Variants in FRAS1 observed in about 807,000 individuals in gnomAD.
The protein encoded by FRAS1 is Fraser extracellular matrix complex subunit 1, also known as extracellular matrix organizing protein FRAS1.
In FRAS1, 290 loss-of-function variants were observed where a neutral mutation model predicts 435.2. The ratio of observed to expected loss-of-function variants is 0.67; its 90% CI spans 0.61 to 0.73. FRAS1 has a LOEUF of 0.73. Among genes scored for constraint, FRAS1 ranks in the 30% least tolerant of loss-of-function variants. The pLI is 0.00. For missense variants in FRAS1, 4,860 were observed against 5,001.5 expected, an observed-to-expected ratio of 0.97 and a Z score of 0.85; for synonymous variants, 1,800 against 1,851.0, an observed-to-expected ratio of 0.97 and a Z score of 0.71.
At chr4:78,114,591 T>C (rs1443384126) in intron 2 of FRAS1, among the ~76,000 whole-genome samples, 1 of 152,114 alleles carries the variant, frequency 6.6e-6, no homozygotes, top group Non-Finnish European at 1.5e-5. Context: ...TCTGAAGCAA[T>C]TGTGAATGGG....
In FRAS1 at chr4:78,252,921, C is replaced by T. The variant is rs148922818; in HGVS notation, c.469+370C>T. On this transcript the variant is annotated intron_variant, in intron 5 of 73. Coordinates refer to ENST00000512123, the MANE Select transcript of FRAS1 (RefSeq NM_025074.7). ...ATGAGGGTCTGTGTCCCGCTGTGCA[C>T]GTATTGTCTTGATAAACATCTTAAC... 1.4e-4 allele frequency among the ~76,000 whole-genome samples: 22 copies of T among 152,258 alleles called. No individual in the cohort carries two copies. In the East Asian group the frequency reaches 3.3e-3, roughly 23 times the overall value.
At chr4:78,188,585 A>G (rs555605395) in intron 2 of FRAS1, among the ~76,000 whole-genome samples, 2 of 152,314 alleles carry the variant, frequency 1.3e-5, no homozygotes, top group South Asian at 4.1e-4. Context: ...GCTTTTACTT[A>G]AAGTCAACTG....
Position 78,513,440 on chromosome 4 carries a change from T to A in FRAS1, c.10062T>A (p.Leu3354=). The A allele has an allele frequency of 6.2e-7, 1 of 1,613,948 alleles. No homozygotes were observed. The highest frequency in any genetic ancestry group is 8.5e-7 in the Non-Finnish European group (1 of 1,179,830). ...QIPHQDGMLP[L]ISTMPLHNLH... ...CACACCAGGATGGAATGCTGCCCCT[T>A]ATCTCCACCATGCCGTTGCACAACT... The change falls in exon 65 of 74, where the codon CTT becomes CTA. Residue 3354 remains leucine (L), a synonymous_variant. Transcript: ENST00000512123.
intron 24 of FRAS1, among the ~76,000 whole-genome samples, chr4:78,373,783 T>TAAG (rs1202932250): frequency 2.6e-5 from 4 of 151,910 alleles, no homozygotes. Flanking sequence ...TAAATAATAA[T>TAAG]AATAATAATA....
intron 2 of FRAS1, among the ~76,000 whole-genome samples, chr4:78,202,192 A>T (rs1192463884): frequency 6.6e-6 from 1 of 152,158 alleles, no homozygotes; most frequent in African/African-American, 2.4e-5. Flanking sequence ...ACTAAATATC[A>T]TATTGTCTTC....
chr4:78,128,095 T>C (rs549314859), intron 2 of FRAS1, among the ~76,000 whole-genome samples: 36 of 152,278 alleles, frequency 2.4e-4, no homozygotes, highest in African/African-American at 7.2e-4. Context: ...TCATTTTTTA[T>C]GGCTGCATAG....
chr4:78,363,604 C>T lies in FRAS1; in HGVS notation c.2514C>T (p.Leu838=), dbSNP rs1261337681. 2.7e-5 allele frequency: 44 copies of T among 1,608,408 alleles called. 1 individual carries two copies. The highest frequency in any genetic ancestry group is 3.2e-5 in the Non-Finnish European group (38 of 1,177,518). The change falls in exon 21 of 74, where the codon CTC becomes CTT. Residue 838 remains leucine (L), a synonymous_variant. Coordinates refer to ENST00000512123, the MANE Select transcript of FRAS1 (RefSeq NM_025074.7). ...GCCAGAATGCCCACTACCTGCTGCT[C>T]GGGGACCACTGTGTTCCTGACTGCC... ...LRCQNAHYLL[L]GDHCVPDCPS... is the part of the protein sequence containing the mutation.
At chr4:78,475,315 C>A in intron 53 of FRAS1, 123 bp from the exon 54 acceptor site, 1 of 986,520 alleles carries the variant, frequency 1.0e-6, no homozygotes. Flanking sequence ...CTTAGAGGAA[C>A]CAAACTTCCT....
chr4:78,221,253 A>G (rs780316488), intron 2 of FRAS1, among the ~76,000 whole-genome samples: 3 of 152,172 alleles, frequency 2.0e-5, no homozygotes, highest in Admixed American at 6.5e-5. Flanking sequence ...AAATATATCA[A>G]ATTTCTTTCA....
chr4:78,308,587 A>C (rs897132207), intron 15 of FRAS1, among the ~76,000 whole-genome samples: 3 of 152,214 alleles, frequency 2.0e-5, no homozygotes, highest in Non-Finnish European at 4.4e-5. Flanking sequence ...CATGGGGACA[A>C]AGAGACTATT....
chr4:78,436,689 T>TA (rs879360022), intron 38 of FRAS1, among the ~76,000 whole-genome samples: 23 of 150,054 alleles, frequency 1.5e-4, no homozygotes, highest in African/African-American at 2.2e-4. Flanking sequence ...AATGTTGAGT[T>TA]AAAAAAAAAA....
chr4:78,302,847 G>A (rs376535768), intron 14 of FRAS1, among the ~76,000 whole-genome samples: 5 of 152,016 alleles, frequency 3.3e-5, no homozygotes, highest in Non-Finnish European at 4.4e-5. Context: ...GCTGTGCAGA[G>A]GCTCTTTAGT....
chr4:78,267,532 G>A (rs979305223), intron 9 of FRAS1, 100 bp downstream of exon 9: 1 of 1,095,982 alleles, frequency 9.1e-7, no homozygotes, highest in Non-Finnish European at 1.3e-6. Context: ...CAGCAGGGAT[G>A]TCCACATTGA....
At chr4:78,532,735 G>A (rs974273200) in intron 70 of FRAS1, among the ~76,000 whole-genome samples, 3 of 152,116 alleles carry the variant, frequency 2.0e-5, no homozygotes, top group African/African-American at 7.2e-5. Flanking sequence ...AAATTGTGCA[G>A]TATTTTTCTG....
At position 78,337,712 on chromosome 4, in the gene FRAS1, G is replaced by C; in HGVS notation, c.2317G>C (p.Glu773Gln). The change falls in exon 20 of 74, where the codon GAG becomes CAG. Residue 773 changes from glutamate to glutamine, a missense_variant. Transcript: ENST00000512123. ...CTGCAGGCAGTGTCATGGGCCGTTGGAGTCTGACTGCATCTCCTGTTACCC... is the reference window on the plus strand; with the variant it reads ...CTGCAGGCAGTGTCATGGGCCGTTGCAGTCTGACTGCATCTCCTGTTACCC... ...PTCRQCHGPL[E>Q]SDCISCYPHI... The C allele has an allele frequency of 6.2e-7, 1 of 1,613,946 alleles. No homozygotes were observed. Among genetic ancestry groups the C allele is most frequent in the South Asian group, 1.1e-5 (1 of 91,078 alleles).
chr4:78,515,125 T>C (rs1410747157), intron 65 of FRAS1, among the ~76,000 whole-genome samples: 1 of 151,956 alleles, frequency 6.6e-6, no homozygotes, highest in Non-Finnish European at 1.5e-5. Flanking sequence ...TTCAGCTCCC[T>C]ACTGCATAAA....
chr4:78,520,613 A>ATTTATAAACC (rs139702258), intron 67 of FRAS1, among the ~76,000 whole-genome samples: 21,159 of 152,162 alleles, frequency 0.14, 1,759 homozygotes, highest in Non-Finnish European at 0.2. Flanking sequence ...TCTCTAGATT[A>ATTTATAAACC]TTTATAAACC....
intron 5 of FRAS1, among the ~76,000 whole-genome samples, 159 bp from the exon 6 acceptor site, chr4:78,255,083 A>T (rs547403100): frequency 6.6e-6 from 1 of 152,298 alleles, no homozygotes; most frequent in East Asian, 1.9e-4. Flanking sequence ...AAATTCAGAG[A>T]TTTCAAGGTA....
chr4:78,513,377 C>T lies in FRAS1; in HGVS notation c.10014-15C>T. 6.2e-7 allele frequency: 1 copy of T among 1,612,996 alleles called. No homozygotes were observed. The highest frequency in any genetic ancestry group is 8.5e-7 in the Non-Finnish European group (1 of 1,179,340). Reference sequence around the variant, plus strand: ...GCAGTCAGCTAAACATTTATTTCTGCCTTTTTCCCCCTAGAATCCACATTT... The same window carrying T: ...GCAGTCAGCTAAACATTTATTTCTGTCTTTTTCCCCCTAGAATCCACATTT... On this transcript the variant is annotated splice_polypyrimidine_tract_variant and intron_variant, in intron 64 of 73. Coordinates refer to ENST00000512123, the MANE Select transcript of FRAS1 (RefSeq NM_025074.7).
Sources: gnomAD v4.1 joint callset for allele counts (sites outside exome capture counted in the v4.1 genomes callset) on GRCh38, gnomAD v4.1.1 for gene constraint, MANE v1.5 for transcripts, NCBI Gene and HGNC (gene_info 2026-07-23, HGNC 2026-07-21) for gene names.